Variants in FOXN3 observed in about 807,000 individuals in gnomAD.
FOXN3 encodes the protein forkhead box protein N3.
Under a neutral mutation model 38.4 loss-of-function variants are expected in FOXN3, and 7 were observed. That is an observed-to-expected ratio of 0.18 (90% CI 0.10 to 0.34). The LOEUF is 0.34. Ranked by LOEUF, FOXN3 falls within the 10% of genes least tolerant of loss-of-function variation. The pLI, the probability that FOXN3 is intolerant of heterozygous loss-of-function variation, is 1.00. For missense variants in FOXN3, 456 were observed against 613.4 expected (o/e 0.74, Z 2.71); for synonymous variants, 230 against 242.2 (o/e 0.95, Z 0.47).
At chr14:89,261,226 G>A (rs1487182479) in intron 4 of FOXN3, among the ~76,000 whole-genome samples, 1 of 152,196 alleles carries the variant, frequency 6.6e-6, no homozygotes, top group Non-Finnish European at 1.5e-5. Context: ...TTGAGGTGTG[G>A]AGTGATTCCC....
intron 1 of FOXN3, among the ~76,000 whole-genome samples, chr14:89,602,642 A>G (rs971750604): frequency 2.6e-5 from 4 of 151,616 alleles, no homozygotes; most frequent in African/African-American, 9.7e-5. Flanking sequence ...GATTATAGGC[A>G]CCTGCCACCA....
At chr14:89,559,029 A>G (rs1465677631) in intron 1 of FOXN3, among the ~76,000 whole-genome samples, 1 of 151,744 alleles carries the variant, frequency 6.6e-6, no homozygotes, top group African/African-American at 2.4e-5. Context: ...AAGTCATAGG[A>G]ATGTTTTTGT....
At position 89,260,990 on chromosome 14, in the gene FOXN3, A is replaced by C. The variant is rs368126280; in HGVS notation, c.745+19960T>G. Among the ~76,000 whole-genome samples the C allele has an allele frequency of 6.9e-4, 105 of 152,336 alleles. 1 individual carries two copies. The South Asian group carries it at 0.012, about 17-fold the overall frequency. On this transcript the variant is annotated intron_variant, in intron 4 of 5. Transcript: ENST00000557258. ...ACATGTTAGCATATGTAAATTGCTCAGTCTGCTACCTGTGTTTGTGTATGT... is the reference window on the plus strand; with the variant it reads ...ACATGTTAGCATATGTAAATTGCTCCGTCTGCTACCTGTGTTTGTGTATGT...
At chr14:89,469,463 G>A (rs1430049266) in intron 1 of FOXN3, among the ~76,000 whole-genome samples, 1 of 152,242 alleles carries the variant, frequency 6.6e-6, no homozygotes, top group Non-Finnish European at 1.5e-5. Flanking sequence ...TCTCCACACT[G>A]CCTGAGGTTC....
intron 3 of FOXN3, among the ~76,000 whole-genome samples, chr14:89,343,492 A>AG (rs1211521440): frequency 4.0e-5 from 6 of 151,332 alleles, no homozygotes; most frequent in South Asian, 2.1e-4. Context: ...TTTAAATTAA[A>AG]AAAAAAAAAG....
chr14:89,288,718 CTCTCTCTATATATATATATATATATATA>C (rs1566947680), intron 3 of FOXN3, among the ~76,000 whole-genome samples: 248 of 43,728 alleles, frequency 5.7e-3, no homozygotes, highest in Non-Finnish European at 7.8e-3. Context: ...CTCTCTCTCT[CTCTCTCTATATATATATATATATATATA>C]TATATATATA....
intron 3 of FOXN3, among the ~76,000 whole-genome samples, chr14:89,299,991 C>T (rs1229463576): frequency 6.6e-6 from 1 of 152,154 alleles, no homozygotes; most frequent in Non-Finnish European, 1.5e-5. Context: ...TCTTCTGTCC[C>T]AGCACAGCAG....
chr14:89,290,820 T>C (rs535309177), intron 3 of FOXN3: 47 of 272,220 alleles, frequency 1.7e-4, no homozygotes, highest in African/African-American at 1.0e-3. Context: ...GGCTTCTCCC[T>C]GGTTAAACCG....
intron 1 of FOXN3, among the ~76,000 whole-genome samples, chr14:89,486,390 GT>G (rs1163425473): frequency 6.6e-6 from 1 of 152,174 alleles, no homozygotes; most frequent in Non-Finnish European, 1.5e-5. Flanking sequence ...TGACCACATT[GT>G]CAAGTCTGAT....
At chr14:89,284,012 C>T (rs1478480696) in intron 3 of FOXN3, among the ~76,000 whole-genome samples, 1 of 152,124 alleles carries the variant, frequency 6.6e-6, no homozygotes, top group Non-Finnish European at 1.5e-5. Context: ...AGGCACCTGC[C>T]AGCAAGCCCG....
At chr14:89,334,044 C>CACACACAT (rs71130056) in intron 3 of FOXN3, among the ~76,000 whole-genome samples, 24 of 144,444 alleles carry the variant, frequency 1.7e-4, no homozygotes, top group Admixed American at 3.5e-4. Flanking sequence ...CACACACACA[C>CACACACAT]ACACAAAGGA....
intron 4 of FOXN3, among the ~76,000 whole-genome samples, chr14:89,258,103 G>A (rs1247809483): frequency 6.6e-6 from 1 of 152,106 alleles, no homozygotes; most frequent in Non-Finnish European, 1.5e-5. Flanking sequence ...CATGACAAAT[G>A]CATCACAAAA....
At chr14:89,225,752 GCT>G (rs1472001357) in intron 4 of FOXN3, among the ~76,000 whole-genome samples, 1 of 152,148 alleles carries the variant, frequency 6.6e-6, no homozygotes, top group African/African-American at 2.4e-5. Flanking sequence ...TCACGCTTCT[GCT>G]CTTTTACTAA....
intron 1 of FOXN3, among the ~76,000 whole-genome samples, chr14:89,601,045 T>G (rs1032193930): frequency 6.6e-6 from 1 of 152,196 alleles, no homozygotes; most frequent in Non-Finnish European, 1.5e-5. Context: ...TGGGTCATCT[T>G]CTTAAGTGAA....
At chr14:89,189,975 G>A (rs1195556387) in intron 4 of FOXN3, among the ~76,000 whole-genome samples, 1 of 152,198 alleles carries the variant, frequency 6.6e-6, no homozygotes, top group Non-Finnish European at 1.5e-5. Flanking sequence ...TCCCAGAAGA[G>A]AAAGAAATTT....
At chr14:89,306,973 C>T (rs1958069) in intron 3 of FOXN3, among the ~76,000 whole-genome samples, 1 of 152,052 alleles carries the variant, frequency 6.6e-6, no homozygotes, top group Non-Finnish European at 1.5e-5. Flanking sequence ...TACTACATGA[C>T]CCTTCATAGA....
rs149446734 is a variant in FOXN3, at chr14:89,241,854, C to T, written c.745+39096G>A. 1.3e-4 allele frequency among the ~76,000 whole-genome samples: 20 copies of T among 152,290 alleles called. No individual in the cohort carries two copies. In the East Asian group the frequency reaches 3.9e-3, roughly 29 times the overall value. The stretch of plus-strand genomic sequence containing the variant: ...GAAAATGGGGCTCTGTTTGGGGTGT[C>T]TATCCCACTCGCAATGGGGGGCCTC... On this transcript the variant is annotated intron_variant, in intron 4 of 5. Transcript: ENST00000557258.
intron 2 of FOXN3, among the ~76,000 whole-genome samples, chr14:89,360,418 A>G (rs985220722): frequency 6.7e-6 from 1 of 148,676 alleles, no homozygotes; most frequent in South Asian, 2.2e-4. Context: ...GAGAGAGGTA[A>G]AAAGAGAGGG....
At chr14:89,300,690 G>T (rs1284683114) in intron 3 of FOXN3, among the ~76,000 whole-genome samples, 1 of 152,234 alleles carries the variant, frequency 6.6e-6, no homozygotes, top group Non-Finnish European at 1.5e-5. Flanking sequence ...TTGGAAAGCT[G>T]ATGACATAGA....
Sources: gnomAD v4.1 joint callset for allele counts (sites outside exome capture counted in the v4.1 genomes callset) on GRCh38, gnomAD v4.1.1 for gene constraint, MANE v1.5 for transcripts, NCBI Gene and HGNC (gene_info 2026-07-23, HGNC 2026-07-21) for gene names.